The following DPP10 variants were observed in gnomAD, a reference collection of about 807,000 sequenced individuals.
The protein encoded by DPP10 is dipeptidyl peptidase like 10.
A neutral mutation model predicts 120.9 loss-of-function variants in DPP10; 33 were observed. The ratio of observed to expected loss-of-function variants is 0.27; its 90% CI spans 0.21 to 0.37. DPP10 has a LOEUF of 0.37. Among genes scored for constraint, DPP10 ranks in the 10% least tolerant of loss-of-function variants. The pLI is 1.00. For synonymous variants in DPP10, 337 were observed against 326.1 expected (o/e 1.03, Z -0.36); for missense variants, 816 against 942.8 (o/e 0.87, Z 1.76).
At chr2:115,599,037 A>C (rs2083161982) in intron 5 of DPP10, among the ~76,000 whole-genome samples, 1 of 151,254 alleles carries the variant, frequency 6.6e-6, no homozygotes, top group Admixed American at 6.6e-5. Flanking sequence ...TTCTGATGGG[A>C]AGTCTGTTTT....
intron 1 of DPP10, among the ~76,000 whole-genome samples, chr2:115,005,219 C>A (rs1171629921): frequency 1.3e-5 from 2 of 152,152 alleles, no homozygotes; most frequent in South Asian, 4.1e-4. Context: ...CCCTTCTGTA[C>A]ATCACCATCA....
At chr2:115,547,425 C>A (rs1250206255) in intron 5 of DPP10, among the ~76,000 whole-genome samples, 1 of 152,158 alleles carries the variant, frequency 6.6e-6, no homozygotes, top group Non-Finnish European at 1.5e-5. Context: ...TGCTTTATCT[C>A]ATTTTGCAAT....
chr2:114,467,037 C>CA (rs35956526), intron 1 of DPP10, among the ~76,000 whole-genome samples: 82,868 of 136,562 alleles, frequency 0.61, 24,450 homozygotes, highest in East Asian at 0.71. Flanking sequence ...ACTCCATATC[C>CA]AAAAAAAAAA....
chr2:114,578,434 G>A (rs1265835234), intron 1 of DPP10, among the ~76,000 whole-genome samples: 2 of 151,784 alleles, frequency 1.3e-5, no homozygotes, highest in Admixed American at 1.3e-4. Flanking sequence ...TTTTATTTCA[G>A]TTACATCCTA....
intron 19 of DPP10, among the ~76,000 whole-genome samples, chr2:115,812,238 C>G (rs1393011911): frequency 6.6e-6 from 1 of 152,138 alleles, no homozygotes. Flanking sequence ...CTCTGTGAAT[C>G]AAAATATTTG....
intron 1 of DPP10, among the ~76,000 whole-genome samples, chr2:115,159,565 G>A (rs2052153625): frequency 6.6e-6 from 1 of 151,960 alleles, no homozygotes; most frequent in Admixed American, 6.6e-5. Flanking sequence ...TAAAAACAGT[G>A]TTTAAATTGG....
chr2:114,559,249 G>A (rs1054071461), intron 1 of DPP10, among the ~76,000 whole-genome samples: 3 of 152,130 alleles, frequency 2.0e-5, no homozygotes, highest in Non-Finnish European at 4.4e-5. Flanking sequence ...GTACTGTTAG[G>A]TACAATATAA....
At chr2:115,561,865 CA>C (rs2080705360) in intron 5 of DPP10, among the ~76,000 whole-genome samples, 1 of 152,140 alleles carries the variant, frequency 6.6e-6, no homozygotes, top group Non-Finnish European at 1.5e-5. Context: ...TGCCCCAAAG[CA>C]AAACGAACAC....
intron 5 of DPP10, among the ~76,000 whole-genome samples, chr2:115,572,323 T>A (rs2081383866): frequency 6.6e-6 from 1 of 152,164 alleles, no homozygotes; most frequent in Non-Finnish European, 1.5e-5. Flanking sequence ...TTCTGATGCA[T>A]CCTTTCCACT....
At chr2:115,807,178 G>T (rs531288231) in intron 19 of DPP10, among the ~76,000 whole-genome samples, 100 of 152,220 alleles carry the variant, frequency 6.6e-4, no homozygotes, top group Non-Finnish European at 1.1e-3. Flanking sequence ...AATGAAAATT[G>T]GCCAAAGGAT....
At chr2:115,747,440 T>A (rs1252780098) in intron 10 of DPP10, among the ~76,000 whole-genome samples, 3 of 152,154 alleles carry the variant, frequency 2.0e-5, no homozygotes, top group African/African-American at 7.2e-5. Context: ...TTTTATCTGG[T>A]CCTTAACTCT....
chr2:115,216,307 G>A (rs1035857326), intron 1 of DPP10, among the ~76,000 whole-genome samples: 2 of 151,790 alleles, frequency 1.3e-5, no homozygotes, highest in African/African-American at 4.8e-5. Flanking sequence ...CTATAACAGT[G>A]AAAAAAAATT....
At chr2:115,734,054 A>G (rs1030774630) in intron 8 of DPP10, among the ~76,000 whole-genome samples, 3 of 152,196 alleles carry the variant, frequency 2.0e-5, no homozygotes, top group African/African-American at 7.2e-5. Flanking sequence ...TATTTTATTT[A>G]CCACCTTCCC....
chr2:114,480,477 C>G (rs78083711), intron 1 of DPP10, among the ~76,000 whole-genome samples: 1 of 152,006 alleles, frequency 6.6e-6, no homozygotes, highest in South Asian at 2.1e-4. Flanking sequence ...CAATGATAGA[C>G]TGGATTAAGA....
chr2:115,758,348 A>G (rs960294160), intron 11 of DPP10, among the ~76,000 whole-genome samples: 6 of 152,048 alleles, frequency 3.9e-5, no homozygotes, highest in Non-Finnish European at 7.4e-5. Flanking sequence ...CAGTTAAAAT[A>G]CCACTAAAAC....
intron 19 of DPP10, among the ~76,000 whole-genome samples, chr2:115,805,260 G>C (rs1012588736): frequency 6.6e-6 from 1 of 152,142 alleles, no homozygotes; most frequent in Admixed American, 6.5e-5. Context: ...CTGGTGCACC[G>C]TTTGTGAAGC....
At chr2:114,842,119 C>G (rs1574321704) in intron 1 of DPP10, among the ~76,000 whole-genome samples, 1 of 152,204 alleles carries the variant, frequency 6.6e-6, no homozygotes, top group South Asian at 2.1e-4. Context: ...ATATTGTCAC[C>G]TAGAGCATAG....
intron 1 of DPP10, among the ~76,000 whole-genome samples, chr2:114,779,954 G>A (rs1361130165): frequency 6.6e-6 from 1 of 152,096 alleles, no homozygotes; most frequent in Non-Finnish European, 1.5e-5. Flanking sequence ...GGCTAACATG[G>A]TGAAACCCCA....
chr2:115,569,730 A>G (rs541417513), intron 5 of DPP10, among the ~76,000 whole-genome samples: 3 of 152,336 alleles, frequency 2.0e-5, no homozygotes, highest in Non-Finnish European at 1.5e-5. Context: ...AGCCACAGCC[A>G]TGTGCATACT....
Sources: gnomAD v4.1 joint callset for allele counts (sites outside exome capture counted in the v4.1 genomes callset) on GRCh38, gnomAD v4.1.1 for gene constraint, MANE v1.5 for transcripts, NCBI Gene and HGNC (gene_info 2026-07-23, HGNC 2026-07-21) for gene names.